TMEM108: variants seen among roughly 807,000 people sequenced by gnomAD.
TMEM108 encodes the protein transmembrane protein 108.
In TMEM108, 12 loss-of-function variants were observed where a neutral mutation model predicts 35.1. That is an observed-to-expected ratio of 0.34 (90% confidence interval 0.22 to 0.55). TMEM108 has a LOEUF of 0.55. TMEM108 is among the 20% of genes least tolerant of loss of function. The pLI, the probability that TMEM108 is intolerant of heterozygous loss-of-function variation, is 0.89. For synonymous variants in TMEM108, 287 were observed against 308.6 expected, an observed-to-expected ratio of 0.93 and a Z score of 0.73; for missense variants, 680 against 753.3, an observed-to-expected ratio of 0.90 and a Z score of 1.14.
chr3:133,083,279 G>C (rs1443605047), intron 2 of TMEM108, among the ~76,000 whole-genome samples: 1 of 150,316 alleles, frequency 6.7e-6, no homozygotes, highest in Non-Finnish European at 1.5e-5. Flanking sequence ...TGATGGCACT[G>C]GAAACTGTCC....
chr3:133,070,775 C>G (rs868289115), intron 2 of TMEM108, among the ~76,000 whole-genome samples: 32 of 96,984 alleles, frequency 3.3e-4, no homozygotes, highest in African/African-American at 8.8e-4. Context: ...GTGTGTGTAT[C>G]TGTGTGTGTT....
At chr3:133,121,993 C>A (rs1944358737) in intron 2 of TMEM108, among the ~76,000 whole-genome samples, 1 of 152,128 alleles carries the variant, frequency 6.6e-6, no homozygotes, top group Admixed American at 6.5e-5. Context: ...TTGTCCCTCT[C>A]TGTAGGTTAA....
intron 2 of TMEM108, among the ~76,000 whole-genome samples, chr3:133,130,297 C>T (rs1047909099): frequency 2.6e-5 from 4 of 152,130 alleles, no homozygotes; most frequent in African/African-American, 9.7e-5. Flanking sequence ...CAGCAACAAC[C>T]ATGTGTATTT....
At chr3:133,052,095 T>C (rs1236432418) in intron 2 of TMEM108, among the ~76,000 whole-genome samples, 3 of 152,176 alleles carry the variant, frequency 2.0e-5, no homozygotes, top group South Asian at 2.1e-4. Context: ...AGAACTGATA[T>C]CTTGACAATA....
At chr3:133,381,732 C>G (rs1353900151) in intron 4 of TMEM108, among the ~76,000 whole-genome samples, 2 of 152,124 alleles carry the variant, frequency 1.3e-5, no homozygotes, top group Non-Finnish European at 1.5e-5. Flanking sequence ...CCTTCTGTCT[C>G]TCTTCTCCTA....
At chr3:133,367,015 C>G (rs1297940075) in intron 3 of TMEM108, among the ~76,000 whole-genome samples, 1 of 152,220 alleles carries the variant, frequency 6.6e-6, no homozygotes, top group East Asian at 1.9e-4. Context: ...AGCATTTTCA[C>G]TTAGCGCCCT....
At chr3:133,387,455 AACTTTCTGTTCTG>A (rs1160250744) in intron 4 of TMEM108, 1 of 985,344 alleles carries the variant, frequency 1.0e-6, no homozygotes, top group East Asian at 1.1e-4. Flanking sequence ...CGTGGAGCAG[AACTTTCTGTTCTG>A]ACTCCCAGGC....
At chr3:133,337,446 C>T (rs2071532356) in intron 3 of TMEM108, among the ~76,000 whole-genome samples, 2 of 152,168 alleles carry the variant, frequency 1.3e-5, no homozygotes, top group African/African-American at 4.8e-5. Context: ...TATCCAAGAC[C>T]ATTAATGCAG....
chr3:133,209,458 C>G (rs1298864803), intron 2 of TMEM108, among the ~76,000 whole-genome samples: 1 of 152,098 alleles, frequency 6.6e-6, no homozygotes, highest in Non-Finnish European at 1.5e-5. Flanking sequence ...TAGTCTCTCT[C>G]CATGCCATGC....
chr3:133,251,135 G>C (rs2107668236), intron 3 of TMEM108, among the ~76,000 whole-genome samples: 1 of 152,282 alleles, frequency 6.6e-6, no homozygotes, highest in Middle Eastern at 3.4e-3. Context: ...GACATGGAAT[G>C]AGATTGATAG....
intron 3 of TMEM108, among the ~76,000 whole-genome samples, chr3:133,268,904 T>C (rs1559887649): frequency 6.6e-6 from 1 of 152,238 alleles, no homozygotes; most frequent in Non-Finnish European, 1.5e-5. Flanking sequence ...TTCCAAGCAT[T>C]GTCTTTTCTG....
chr3:133,264,495 T>C (rs184394273), intron 3 of TMEM108, among the ~76,000 whole-genome samples: 29 of 152,352 alleles, frequency 1.9e-4, no homozygotes, highest in Admixed American at 3.3e-4. Flanking sequence ...AGAAGCCAAC[T>C]AACTTGGGAT....
chr3:133,093,282 C>T (rs141874207), intron 2 of TMEM108, among the ~76,000 whole-genome samples: 44 of 152,278 alleles, frequency 2.9e-4, no homozygotes, highest in Middle Eastern at 3.4e-3. Flanking sequence ...TGAGCCACCG[C>T]GCCCGGTCAT....
chr3:133,361,283 G>A (rs977461517), intron 3 of TMEM108, among the ~76,000 whole-genome samples: 80 of 152,316 alleles, frequency 5.3e-4, no homozygotes, highest in African/African-American at 1.8e-3. Flanking sequence ...CCTGCACTAA[G>A]AGCAAGACAG....
chr3:133,210,068 C>T (rs1016779462), intron 2 of TMEM108, among the ~76,000 whole-genome samples: 1 of 152,200 alleles, frequency 6.6e-6, no homozygotes, highest in African/African-American at 2.4e-5. Context: ...CACTGACTCA[C>T]TCCTTTGCTG....
chr3:133,300,975 TACACACACAC>T (rs66703555), intron 3 of TMEM108, among the ~76,000 whole-genome samples: 10,387 of 129,934 alleles, frequency 0.08, 733 homozygotes, highest in African/African-American at 0.12. Context: ...CAGACCCCAG[TACACACACAC>T]ACACACACAC....
chr3:133,357,059 C>T (rs1352687816), intron 3 of TMEM108, among the ~76,000 whole-genome samples: 1 of 152,096 alleles, frequency 6.6e-6, no homozygotes, highest in East Asian at 1.9e-4. Context: ...GACTAGTATC[C>T]AGAATCTACA....
At chr3:133,084,864 A>T (rs1943861322) in intron 2 of TMEM108, among the ~76,000 whole-genome samples, 1 of 152,166 alleles carries the variant, frequency 6.6e-6, no homozygotes, top group Admixed American at 6.6e-5. Context: ...CAGCTCTTTT[A>T]TTAAGGAAAC....
chr3:133,235,365 G>A (rs994299431), intron 3 of TMEM108, among the ~76,000 whole-genome samples: 10 of 151,876 alleles, frequency 6.6e-5, no homozygotes, highest in African/African-American at 1.9e-4. Flanking sequence ...CTACAAGGCT[G>A]CAGTAACCAA....
Sources: allele counts gnomAD v4.1 joint callset (sites outside exome capture counted in the v4.1 genomes callset), GRCh38; gene constraint gnomAD v4.1.1; transcripts MANE v1.5; gene names NCBI Gene and HGNC (gene_info 2026-07-23, HGNC 2026-07-21).